GTF2H2: variants seen among roughly 807,000 people sequenced by gnomAD.
GTF2H2 encodes general transcription factor IIH subunit 2, also known as TFIIH basal transcription factor complex p44 subunit.
A neutral mutation model predicts 16.5 loss-of-function variants in GTF2H2; 2 were observed. The observed-to-expected ratio is 0.12, with a 90% confidence interval of 0.05 to 0.38. The LOEUF (loss-of-function observed/expected upper bound fraction) is 0.38, where lower values mean the gene tolerates loss of function less well. GTF2H2 is among the 10% of genes least tolerant of loss of function. The pLI is 0.99. For missense variants in GTF2H2, 20 were observed against 137.0 expected, an observed-to-expected ratio of 0.15 and a Z score of 4.26; for synonymous variants, 8 against 44.1, an observed-to-expected ratio of 0.18 and a Z score of 3.24.
chr5:71,054,712 C>CGTGTGTGTGT (rs750011504), intron 8 of GTF2H2, among the ~76,000 whole-genome samples: 68 of 105,276 alleles, frequency 6.5e-4, no homozygotes, highest in South Asian at 6.4e-3. Context: ...TATATATATA[C>CGTGTGTGTGT]GTGTGTGTGT....
In GTF2H2 at chr5:71,055,319, C is replaced by G. The variant is rs758944135; in HGVS notation, c.470+33G>C. On this transcript the variant is annotated intron_variant, in intron 8 of 15. Transcript: ENST00000274400. ...TCAGCTTAACTCATTTAAAAAACTT[C>G]TAATTCAATTATACATAATGTATAA... 9.1e-6 allele frequency: 14 copies of G among 1,543,072 alleles called. No homozygotes were observed. In the East Asian group the frequency reaches 3.0e-4, roughly 33 times the overall value.
intron 8 of GTF2H2, among the ~76,000 whole-genome samples, chr5:71,054,586 A>G (rs1753030702): frequency 7.0e-6 from 1 of 142,648 alleles, no homozygotes; most frequent in Non-Finnish European, 1.5e-5. Flanking sequence ...TCCCAGCACT[A>G]GGGAGGCTGA....
At chr5:71,055,213 A>T in intron 8 of GTF2H2, 139 bp downstream of exon 8, 2 of 802,730 alleles carry the variant, frequency 2.5e-6, no homozygotes. Context: ...CACACTAAAC[A>T]TCATAAATAA....
intron 8 of GTF2H2, among the ~76,000 whole-genome samples, chr5:71,052,311 G>A (rs1752800605): frequency 8.2e-6 from 1 of 122,488 alleles, no homozygotes; most frequent in Admixed American, 8.6e-5. Context: ...GGGATTATAG[G>A]CGCACACCAC....
At chr5:71,047,726 G>A in intron 11 of GTF2H2, 3 of 46,354 alleles carry the variant, frequency 6.5e-5, no homozygotes, top group African/African-American at 1.4e-4. Flanking sequence ...CCAAAGTGCT[G>A]GGATTACAGG....
intron 7 of GTF2H2, chr5:71,058,445 C>T (rs558784980): frequency 1.4e-5 from 2 of 139,210 alleles, no homozygotes; most frequent in South Asian, 2.2e-4. Flanking sequence ...ATGGGCAGAT[C>T]GTAACTCAGG....
chr5:71,058,531 C>T (rs1753445070), intron 7 of GTF2H2: 1 of 141,994 alleles, frequency 7.0e-6, no homozygotes, highest in Non-Finnish European at 1.5e-5. Flanking sequence ...AATTAAGAGA[C>T]ATCTTTTCAA....
At position 71,063,249 on chromosome 5, in the gene GTF2H2, C is replaced by CA. The variant is rs1202581457; in HGVS notation, c.-33-454dup. ...TGGGTAAATGCTATAGCTCATAATT[C>CA]AAAAAAAAAGGACACAAAATTAAAC... On this transcript the variant is annotated intron_variant, in intron 1 of 15. Coordinates refer to ENST00000274400, the Ensembl canonical transcript of GTF2H2. 6.4e-4 allele frequency among the ~76,000 whole-genome samples: 58 copies of CA among 90,180 alleles called. 3 individuals are homozygous for CA. The highest frequency in any genetic ancestry group is 7.8e-4 in the Non-Finnish European group (38 of 48,858). The allele number at this position is 90,180 out of a possible 152,430, so 59.2% of individuals were successfully genotyped here. A position where few individuals can be genotyped will look rare whatever the true frequency, so the allele number is the denominator to read the frequency against.
exon 4 of GTF2H2, chr5:71,061,293 A>G (rs1448230097): frequency 2.0e-6 from 3 of 1,505,572 alleles, no homozygotes; most frequent in Non-Finnish European, 2.7e-6. Flanking sequence ...GAACTTGTCC[A>G]TGGTGCTCAA....
chr5:71,058,541 A>G (rs1753445640), intron 7 of GTF2H2: 1 of 140,768 alleles, frequency 7.1e-6, no homozygotes, highest in African/African-American at 2.7e-5. Context: ...CATCTTTTCA[A>G]CTTCCAGAAA....
chr5:71,056,824 G>GGTGTAA (rs1245505676), intron 7 of GTF2H2, among the ~76,000 whole-genome samples: 3 of 139,420 alleles, frequency 2.2e-5, no homozygotes, highest in East Asian at 4.0e-4. Flanking sequence ...TGGGAGTACA[G>GGTGTAA]GTGTAAGTCA....
chr5:71,055,145 T>C, intron 8 of GTF2H2: 1 of 412,470 alleles, frequency 2.4e-6, no homozygotes, highest in Non-Finnish European at 4.2e-6. Context: ...AATTATATTT[T>C]TATAAAACCT....
intron 7 of GTF2H2, among the ~76,000 whole-genome samples, chr5:71,057,666 T>G (rs2150199361): frequency 1.4e-5 from 1 of 72,756 alleles, no homozygotes; most frequent in South Asian, 4.9e-4. Context: ...CAAAGACATA[T>G]GCCTGCTTAA....
chr5:71,055,207 C>T (rs1753117385), intron 8 of GTF2H2, 145 bp downstream of exon 8: 6 of 764,374 alleles, frequency 7.8e-6, no homozygotes, highest in Non-Finnish European at 1.2e-5. Flanking sequence ...CAACACCACA[C>T]TAAACATCAT....
At chr5:71,059,838 G>GA (rs1263149601) in intron 6 of GTF2H2, 94 bp from the exon 7 acceptor site, 98 of 1,658 alleles carry the variant, frequency 0.059, 1 homozygote, top group Non-Finnish European at 0.058. Context: ...TATTGGAGCA[G>GA]AAAAAAAAAT....
At chr5:71,054,712 CGT>C (rs750011504) in intron 8 of GTF2H2, among the ~76,000 whole-genome samples, 2,961 of 105,224 alleles carry the variant, frequency 0.028, 177 homozygotes, top group Middle Eastern at 0.037. Context: ...TATATATATA[CGT>C]GTGTGTGTGT....
In GTF2H2 at chr5:71,055,216, A is replaced by C. The variant is rs1580993162; in HGVS notation, c.470+136T>G. 8.4e-6 allele frequency: 7 copies of C among 834,382 alleles called. 1 individual carries two copies. In the East Asian group the frequency reaches 2.1e-4, roughly 25 times the overall value. 51.7% of individuals were successfully genotyped at this position (834,382 alleles called of 1,614,324 possible). A position where few individuals can be genotyped will look rare whatever the true frequency, so the allele number is the denominator to read the frequency against. ...ACTAACCAACACCACACTAAACATC[A>C]TAAATAACACTACATAATTCTTGTA... On this transcript the variant is annotated intron_variant, in intron 8 of 15. Coordinates refer to ENST00000274400, the Ensembl canonical transcript of GTF2H2.
chr5:71,036,099 G>A lies in GTF2H2; in HGVS notation c.1069-303C>T, dbSNP rs1253412978. The stretch of plus-strand genomic sequence containing the variant: ...AAAGACATATGAGCTTCAAACCAGC[G>A]CTACTTTTGAATGCTTAGCAAGACC... On this transcript the variant is annotated intron_variant, in intron 15 of 15. Transcript: ENST00000274400. Among the ~76,000 whole-genome samples, 5 of 63,380 alleles carry A rather than the reference G, an allele frequency of 7.9e-5. 2 individuals carry two copies. The East Asian group carries it at 5.6e-3, about 70-fold the overall frequency. 41.6% of individuals were successfully genotyped at this position (63,380 alleles called of 152,430 possible). A position where few individuals can be genotyped will look rare whatever the true frequency, so the allele number is the denominator to read the frequency against.
At chr5:71,046,225 T>C (rs1752332467) in intron 11 of GTF2H2, among the ~76,000 whole-genome samples, 1 of 104,616 alleles carries the variant, frequency 9.6e-6, no homozygotes, top group Admixed American at 1.1e-4. Flanking sequence ...AAGAAAAATA[T>C]TTGCATCGGG....
Sources: allele counts gnomAD v4.1 joint callset (sites outside exome capture counted in the v4.1 genomes callset), GRCh38; gene constraint gnomAD v4.1.1; transcripts MANE v1.5; gene names NCBI Gene and HGNC (gene_info 2026-07-23, HGNC 2026-07-21).